Variants in GPC6 observed in about 807,000 individuals in gnomAD.
GPC6 encodes the protein glypican 6.
A neutral mutation model predicts 55.2 loss-of-function variants in GPC6; 14 were observed. The ratio of observed to expected loss-of-function variants is 0.25; its 90% CI spans 0.17 to 0.40. The LOEUF is 0.40. GPC6 is among the 10% of genes least tolerant of loss of function. The pLI, the probability that GPC6 is intolerant of heterozygous loss-of-function variation, is 1.00. For missense variants in GPC6, 641 were observed against 708.5 expected, an observed-to-expected ratio of 0.90 and a Z score of 1.08; for synonymous variants, 278 against 259.6, an observed-to-expected ratio of 1.07 and a Z score of -0.68.
At chr13:93,343,428 T>C (rs572432395) in intron 1 of GPC6, among the ~76,000 whole-genome samples, 1 of 152,278 alleles carries the variant, frequency 6.6e-6, no homozygotes, top group African/African-American at 2.4e-5. Flanking sequence ...TCATAACTGG[T>C]TTATGGTACC....
At chr13:93,831,557 T>C (rs1241377807) in intron 3 of GPC6, among the ~76,000 whole-genome samples, 3 of 33,592 alleles carry the variant, frequency 8.9e-5, no homozygotes, top group Non-Finnish European at 1.4e-4. Context: ...ACAATGCTTC[T>C]TTTTTTTTTT....
chr13:93,795,329 T>C (rs1369794555), intron 2 of GPC6, among the ~76,000 whole-genome samples: 1 of 152,206 alleles, frequency 6.6e-6, no homozygotes, highest in African/African-American at 2.4e-5. Context: ...TCAAGACATC[T>C]GGATATCAAG....
intron 7 of GPC6, among the ~76,000 whole-genome samples, chr13:94,397,701 C>A (rs185647858): frequency 6.6e-6 from 1 of 152,110 alleles, no homozygotes; most frequent in African/African-American, 2.4e-5. Context: ...AATTTATAAG[C>A]CCAGTTCTTA....
intron 4 of GPC6, among the ~76,000 whole-genome samples, chr13:94,142,170 GA>G (rs1305043444): frequency 6.6e-6 from 1 of 152,106 alleles, no homozygotes; most frequent in Non-Finnish European, 1.5e-5. Context: ...GCATTTAAAA[GA>G]ATACACACCT....
At chr13:94,325,439 C>CTGT (rs999279260) in intron 6 of GPC6, among the ~76,000 whole-genome samples, 40 of 152,182 alleles carry the variant, frequency 2.6e-4, no homozygotes, top group African/African-American at 9.7e-4. Flanking sequence ...CATTAAATCA[C>CTGT]TGTTATATTC....
chr13:94,303,765 CAA>C (rs11300129), intron 5 of GPC6, among the ~76,000 whole-genome samples: 4,260 of 98,204 alleles, frequency 0.043, 193 homozygotes, highest in African/African-American at 0.12. Flanking sequence ...TAACTCCCTC[CAA>C]AAAAAAAAAA....
intron 2 of GPC6, among the ~76,000 whole-genome samples, chr13:93,594,773 C>G (rs1411599921): frequency 6.6e-6 from 1 of 151,600 alleles, no homozygotes; most frequent in Non-Finnish European, 1.5e-5. Context: ...TTAATATGCA[C>G]ATTCTGGTTC....
At chr13:94,365,996 T>C (rs1187012623) in intron 6 of GPC6, among the ~76,000 whole-genome samples, 1 of 152,204 alleles carries the variant, frequency 6.6e-6, no homozygotes, top group Admixed American at 6.5e-5. Context: ...CTCCTCCCCC[T>C]TTTTTAATTA....
intron 2 of GPC6, among the ~76,000 whole-genome samples, chr13:93,740,309 G>T (rs1884157730): frequency 6.6e-6 from 1 of 152,178 alleles, no homozygotes; most frequent in African/African-American, 2.4e-5. Context: ...GGACATAAAG[G>T]AGTAATCACC....
intron 1 of GPC6, among the ~76,000 whole-genome samples, chr13:93,446,250 A>C (rs951780258): frequency 6.6e-6 from 1 of 152,100 alleles, no homozygotes; most frequent in African/African-American, 2.4e-5. Flanking sequence ...CCTTTCACTC[A>C]AAAGTGCTCA....
chr13:94,276,064 A>G (rs1402350029), intron 4 of GPC6, among the ~76,000 whole-genome samples: 1 of 152,236 alleles, frequency 6.6e-6, no homozygotes, highest in Non-Finnish European at 1.5e-5. Context: ...TTGACCCAGC[A>G]GTTTCACTTC....
intron 1 of GPC6, among the ~76,000 whole-genome samples, chr13:93,330,623 T>A (rs1241120377): frequency 6.6e-6 from 1 of 152,142 alleles, no homozygotes; most frequent in Non-Finnish European, 1.5e-5. Context: ...ACATACTTGG[T>A]CTTATTTAAC....
At chr13:93,504,202 G>A (rs1880622169) in intron 1 of GPC6, among the ~76,000 whole-genome samples, 1 of 151,988 alleles carries the variant, frequency 6.6e-6, no homozygotes, top group Non-Finnish European at 1.5e-5. Context: ...TTAAAGATGT[G>A]GAATGTGTTA....
At chr13:93,308,722 G>A (rs1034128898) in intron 1 of GPC6, among the ~76,000 whole-genome samples, 2 of 152,240 alleles carry the variant, frequency 1.3e-5, no homozygotes, top group Non-Finnish European at 2.9e-5. Context: ...GATTACAGGC[G>A]TAAGCCACTG....
At chr13:93,732,849 G>A (rs773472255) in intron 2 of GPC6, among the ~76,000 whole-genome samples, 3 of 152,070 alleles carry the variant, frequency 2.0e-5, no homozygotes, top group East Asian at 1.9e-4. Flanking sequence ...TAATATTTTC[G>A]ATTAAACTAA....
intron 4 of GPC6, among the ~76,000 whole-genome samples, chr13:94,167,636 G>A (rs531775013): frequency 3.9e-5 from 6 of 152,130 alleles, no homozygotes; most frequent in Non-Finnish European, 7.4e-5. Flanking sequence ...ACAAACAAAT[G>A]TGGAGGGAAG....
intron 1 of GPC6, among the ~76,000 whole-genome samples, chr13:93,345,253 CA>C (rs1246918523): frequency 6.6e-6 from 1 of 152,014 alleles, no homozygotes; most frequent in East Asian, 1.9e-4. Flanking sequence ...TTATGATGAT[CA>C]CCACCAAATT....
intron 2 of GPC6, among the ~76,000 whole-genome samples, chr13:93,710,841 T>G (rs1379824029): frequency 1.3e-5 from 2 of 151,838 alleles, no homozygotes; most frequent in Non-Finnish European, 2.9e-5. Flanking sequence ...GTAAACATGC[T>G]TATTGTGCAT....
At chr13:93,757,657 A>G (rs1308100161) in intron 2 of GPC6, among the ~76,000 whole-genome samples, 1 of 152,148 alleles carries the variant, frequency 6.6e-6, no homozygotes, top group East Asian at 1.9e-4. Context: ...TAATAATTCC[A>G]TGTCAAATGC....
Sources: allele counts gnomAD v4.1 joint callset (sites outside exome capture counted in the v4.1 genomes callset), GRCh38; gene constraint gnomAD v4.1.1; transcripts MANE v1.5; gene names NCBI Gene and HGNC (gene_info 2026-07-23, HGNC 2026-07-21).